Variants in SUZ12 observed in about 807,000 individuals in gnomAD.
SUZ12 encodes polycomb protein SUZ12.
Under a neutral mutation model 87.3 loss-of-function variants are expected in SUZ12, and 17 were observed. The observed-to-expected ratio is 0.19, with a 90% CI of 0.13 to 0.29. The LOEUF (loss-of-function observed/expected upper bound fraction) is 0.29, where lower values mean the gene tolerates loss of function less well. Among genes scored for constraint, SUZ12 ranks in the 10% least tolerant of loss-of-function variants. SUZ12 has a pLI of 1.00. For missense variants in SUZ12, 526 were observed against 912.2 expected (o/e 0.58, Z 5.45); for synonymous variants, 253 against 312.4 (o/e 0.81, Z 2.01).
At chr17:31,956,434 C>T (rs1160939954) in intron 4 of SUZ12, among the ~76,000 whole-genome samples, 1 of 152,130 alleles carries the variant, frequency 6.6e-6, no homozygotes, top group Non-Finnish European at 1.5e-5. Context: ...CGTGATCGGC[C>T]CACCTCAACC....
At chr17:31,968,404 A>AT (rs1200301631) in intron 5 of SUZ12, among the ~76,000 whole-genome samples, 5 of 151,684 alleles carry the variant, frequency 3.3e-5, no homozygotes, top group East Asian at 1.9e-4. Context: ...ATTAAAAAAA[A>AT]TTTTTTTTGT....
In SUZ12 at chr17:32,000,410, G is replaced by C. The variant is rs919129282; in HGVS notation, c.*1407G>C. On this transcript the variant is annotated 3_prime_UTR_variant, in exon 16 of 16. Coordinates refer to ENST00000322652, the MANE Select transcript of SUZ12 (RefSeq NM_015355.4). ...GTGTTTAACTGTGAGGCTATTTAAC[G>C]AATAGTGTGGATGTGATTTGTCATC... 1 of 232,264 alleles carries C rather than the reference G, an allele frequency of 4.3e-6. No individual in the cohort carries two copies. The highest frequency in any genetic ancestry group is 2.2e-5 in the African/African-American group (1 of 45,248). The allele number at this position is 232,264 out of a possible 1,614,324, so 14.4% of individuals were successfully genotyped here.
intron 4 of SUZ12, among the ~76,000 whole-genome samples, chr17:31,950,284 T>C (rs1180010665): frequency 6.6e-6 from 1 of 152,218 alleles, no homozygotes; most frequent in Non-Finnish European, 1.5e-5. Context: ...GGTAATCTTA[T>C]TTTTCTCCTA....
chr17:31,980,498 G>A (rs1359155408), intron 8 of SUZ12, among the ~76,000 whole-genome samples: 1 of 126,874 alleles, frequency 7.9e-6, no homozygotes, highest in Non-Finnish European at 1.6e-5. Context: ...TGCCCAGGCT[G>A]GAGCGCAAAG....
Position 31,995,657 on chromosome 17 carries a change from T to C in SUZ12, c.1689T>C (p.Arg563=). 6.2e-7 allele frequency: 1 copy of C among 1,613,968 alleles called. No homozygotes were observed. The highest frequency in any genetic ancestry group is 8.5e-7 in the Non-Finnish European group (1 of 1,179,934). ...GAACATATAGTAGTGGCCACAATCG[T>C]CTGTATTTCCATAGTGATACCTGCT... ...QQRTYSSGHN[R]LYFHSDTCLP... Residue 563 remains arginine, a synonymous_variant, in exon 14 of 16, where the codon CGT becomes CGC. Transcript: ENST00000322652.
intron 10 of SUZ12, among the ~76,000 whole-genome samples, chr17:31,992,144 C>G (rs1909750851): frequency 2.6e-5 from 4 of 151,468 alleles, no homozygotes; most frequent in Admixed American, 6.6e-5. Context: ...TACAAAAAAT[C>G]AGCCGGGTGT....
rs576429615 is a variant in SUZ12 at position 31,996,486 on chromosome 17, G to A, written c.1795-312G>A. ...ATACAAGAGTTAGCTGGGCATGGTA[G>A]AGCGTGCTTGTGATCCCAGCTACTC... On this transcript the variant is annotated intron_variant, in intron 14 of 15. Coordinates refer to ENST00000322652, the MANE Select transcript of SUZ12 (RefSeq NM_015355.4). 2.4e-4 allele frequency among the ~76,000 whole-genome samples: 36 copies of A among 152,162 alleles called. 1 individual carries two copies. Among genetic ancestry groups the A allele is most frequent in the Admixed American group, 1.0e-3 (16 of 15,272 alleles).
In SUZ12 at chr17:31,975,721, T is replaced by TC. The variant is rs763234351; in HGVS notation, c.823+8_823+9insC. 6.3e-7 allele frequency: 1 copy of TC among 1,596,500 alleles called. No homozygotes were observed. The highest frequency in any genetic ancestry group is 8.5e-7 in the Non-Finnish European group (1 of 1,170,834). ...AAACCAATGAAAATATTGGTAATTT[T>TC]TTTTTTTACTAGATTTTATCACTGG... On this transcript the variant is annotated intron_variant, in intron 7 of 15. Coordinates refer to ENST00000322652, the MANE Select transcript of SUZ12 (RefSeq NM_015355.4).
intron 15 of SUZ12, among the ~76,000 whole-genome samples, chr17:31,997,199 G>A (rs1450192055): frequency 6.6e-6 from 1 of 152,148 alleles, no homozygotes; most frequent in African/African-American, 2.4e-5. Context: ...CAGGGTTGTT[G>A]ATTCTGTCAG....
At chr17:31,963,311 A>G (rs1490242908) in intron 4 of SUZ12, among the ~76,000 whole-genome samples, 1 of 148,594 alleles carries the variant, frequency 6.7e-6, no homozygotes, top group Non-Finnish European at 1.5e-5. Flanking sequence ...CGCCTGGCTA[A>G]TTTTGTATTT....
chr17:31,953,798 C>CT (rs1907129065), intron 4 of SUZ12, among the ~76,000 whole-genome samples: 1 of 150,086 alleles, frequency 6.7e-6, no homozygotes, highest in African/African-American at 2.5e-5. Context: ...ACTGCAACCT[C>CT]TAACTCCTTG....
chr17:31,937,480 C>T lies in SUZ12; in HGVS notation c.234C>T (p.His78=), dbSNP rs901802314. Residue 78 remains histidine (H), a synonymous_variant, in exon 1 of 16, where the codon CAC becomes CAT. Transcript: ENST00000322652. ...VLPVKKPKME[H]VQADHELFLQ... ...CGGTGAAGAAGCCGAAAATGGAGCA[C>T]GTCCAGGCTGACCACGAGCTTTTCC... The T allele has an allele frequency of 1.4e-5, 21 of 1,542,288 alleles. No homozygotes were observed. Among genetic ancestry groups the T allele is most frequent in the Admixed American group, 3.9e-5 (2 of 50,858 alleles).
At chr17:31,962,454 A>G (rs1482407389) in intron 4 of SUZ12, among the ~76,000 whole-genome samples, 4 of 152,072 alleles carry the variant, frequency 2.6e-5, no homozygotes, top group Non-Finnish European at 4.4e-5. Flanking sequence ...GCCAGGCATG[A>G]TGGTGCATGC....
rs16967070 is a variant in SUZ12, at chr17:31,999,408, T to G, written c.*405T>G. 0.036 allele frequency: 8,431 copies of G among 232,468 alleles called. 652 individuals carry two copies. The highest frequency in any genetic ancestry group is 0.17 in the African/African-American group (7,581 of 45,370). The allele number at this position is 232,468 out of a possible 1,614,324, so 14.4% of individuals were successfully genotyped here. On this transcript the variant is annotated 3_prime_UTR_variant, in exon 16 of 16. Coordinates refer to ENST00000322652, the MANE Select transcript of SUZ12 (RefSeq NM_015355.4). ...GGAGGGAAAATTGGAATGGTTCCCT[T>G]TTTTAGAAATTGAAGTGGTCTTCAT...
At chr17:31,974,221 A>G (rs557156021) in intron 6 of SUZ12, among the ~76,000 whole-genome samples, 1 of 151,962 alleles carries the variant, frequency 6.6e-6, no homozygotes, top group African/African-American at 2.4e-5. Flanking sequence ...AAAAAAAAAA[A>G]ATGTATGTAA....
chr17:31,940,011 G>A lies in SUZ12; in HGVS notation c.275-275G>A, dbSNP rs867714673. ...CAACTACTTCTCTTGAGTTCTGCTCGGTAACAATAACTATCTTAGAAAGGC... is the reference window on the plus strand; with the variant it reads ...CAACTACTTCTCTTGAGTTCTGCTCAGTAACAATAACTATCTTAGAAAGGC... On this transcript the variant is annotated intron_variant, in intron 1 of 15. Coordinates refer to ENST00000322652, the MANE Select transcript of SUZ12 (RefSeq NM_015355.4). 6.6e-6 allele frequency among the ~76,000 whole-genome samples: 1 copy of A among 152,142 alleles called. No homozygotes were observed. The highest frequency in any genetic ancestry group is 2.4e-5 in the African/African-American group (1 of 41,494).
intron 4 of SUZ12, chr17:31,963,863 C>T (rs551819243): frequency 7.9e-3 from 1,208 of 152,162 alleles, no homozygotes; most frequent in African/African-American, 0.027. Flanking sequence ...TTCTCCCATC[C>T]AAGTACCAAC....
intron 9 of SUZ12, among the ~76,000 whole-genome samples, chr17:31,985,446 A>T (rs474455): frequency 0.16 from 23,494 of 151,022 alleles, 2,030 homozygotes; most frequent in African/African-American, 0.21. Flanking sequence ...ATATATATAT[A>T]TTTTCCCTGT....
intron 1 of SUZ12, among the ~76,000 whole-genome samples, chr17:31,938,364 A>G (rs923631178): frequency 7.2e-5 from 11 of 152,204 alleles, no homozygotes; most frequent in Admixed American, 3.9e-4. Flanking sequence ...TAATAGCTAA[A>G]TAATCTTACA....
Sources: allele counts gnomAD v4.1 joint callset (sites outside exome capture counted in the v4.1 genomes callset), GRCh38; gene constraint gnomAD v4.1.1; transcripts MANE v1.5; gene names NCBI Gene and HGNC (gene_info 2026-07-23, HGNC 2026-07-21).